Variants in CHN1 observed in about 807,000 individuals in gnomAD.
The protein encoded by CHN1 is chimerin 1.
A neutral mutation model predicts 59.5 loss-of-function variants in CHN1; 37 were observed. The observed-to-expected ratio is 0.62, with a 90% CI of 0.48 to 0.82. CHN1 has a LOEUF of 0.82. CHN1 is among the 40% of genes least tolerant of loss of function. The probability of loss-of-function intolerance (pLI) is 0.00; values close to 1 mark genes in which losing one functional copy is unlikely to be tolerated. For synonymous variants in CHN1, 206 were observed against 200.4 expected, an observed-to-expected ratio of 1.03 and a Z score of -0.24; for missense variants, 469 against 571.0, an observed-to-expected ratio of 0.82 and a Z score of 1.82.
Position 174,811,902 on chromosome 2 carries a change from G to A in CHN1, c.887-314C>T, listed in dbSNP as rs532322065. On this transcript the variant is annotated intron_variant, in intron 9 of 12. Transcript: ENST00000409900. ...AACAGAAGACTAAGATAAAATATAG[G>A]CCTGTTTTTCTCAAGTGGGAAAGAA... 1.2e-4 allele frequency among the ~76,000 whole-genome samples: 19 copies of A among 152,168 alleles called. No individual in the cohort carries two copies. In the East Asian group the frequency reaches 3.5e-3, roughly 28 times the overall value.
Position 174,911,897 on chromosome 2 carries a change from G to T in CHN1, c.260+3161C>A, listed in dbSNP as rs181401571. On this transcript the variant is annotated intron_variant, in intron 5 of 12. Coordinates refer to ENST00000409900, the MANE Select transcript of CHN1 (RefSeq NM_001822.7). Reference sequence around the variant, plus strand: ...GGCAGATCATTTATAGTACTGGGAAGGATAAGGCTGGACCCACAGACATTT... The same window carrying T: ...GGCAGATCATTTATAGTACTGGGAATGATAAGGCTGGACCCACAGACATTT... Among the ~76,000 whole-genome samples, 275 of 152,272 alleles carry T rather than the reference G, an allele frequency of 1.8e-3. 6 individuals carry two copies. The highest frequency in any genetic ancestry group is 0.018 in the Admixed American group (273 of 15,304).
chr2:174,907,356 C>A (rs886164074), intron 5 of CHN1, among the ~76,000 whole-genome samples: 1 of 152,150 alleles, frequency 6.6e-6, no homozygotes, highest in East Asian at 1.9e-4. Context: ...TTTCTCCTCT[C>A]CATGCCAGAG....
chr2:174,858,554 C>A (rs1686974533), intron 6 of CHN1, among the ~76,000 whole-genome samples: 1 of 152,106 alleles, frequency 6.6e-6, no homozygotes, highest in South Asian at 2.1e-4. Flanking sequence ...ATACTTATTG[C>A]ACGTTTTATA....
intron 4 of CHN1, 129 bp downstream of exon 4, chr2:174,918,405 T>A: frequency 1.6e-6 from 1 of 615,114 alleles, no homozygotes; most frequent in Admixed American, 4.0e-5. Flanking sequence ...ACATTTGAAA[T>A]TTTTAAGAAA....
intron 2 of CHN1, among the ~76,000 whole-genome samples, chr2:174,945,844 C>G (rs946537551): frequency 6.6e-6 from 1 of 151,950 alleles, no homozygotes; most frequent in Non-Finnish European, 1.5e-5. Context: ...CACATTCATT[C>G]ATATACATCA....
intron 12 of CHN1, among the ~76,000 whole-genome samples, chr2:174,800,827 T>A (rs1311305285): frequency 1.3e-5 from 2 of 152,240 alleles, no homozygotes; most frequent in South Asian, 4.1e-4. Context: ...ATTTGAGAGT[T>A]AGTCCTCTGT....
At chr2:174,835,085 T>A (rs372800517) in intron 7 of CHN1, among the ~76,000 whole-genome samples, 1 of 152,086 alleles carries the variant, frequency 6.6e-6, no homozygotes, top group South Asian at 2.1e-4. Context: ...GAAAATATCA[T>A]AAGTTGAGAG....
chr2:174,902,454 A>G (rs1438496854), intron 5 of CHN1, among the ~76,000 whole-genome samples: 1 of 152,136 alleles, frequency 6.6e-6, no homozygotes, highest in Non-Finnish European at 1.5e-5. Context: ...CCCCTTCATC[A>G]ATATTAATTT....
chr2:174,883,858 AGTT>A (rs1464933313), intron 5 of CHN1, among the ~76,000 whole-genome samples: 2 of 151,992 alleles, frequency 1.3e-5, no homozygotes, highest in African/African-American at 4.8e-5. Context: ...CATAAATGAA[AGTT>A]TTTTTAAAAA....
intron 6 of CHN1, 119 bp from the exon 7 acceptor site, chr2:174,847,076 T>G: frequency 6.4e-7 from 1 of 1,551,732 alleles, no homozygotes; most frequent in Non-Finnish European, 8.7e-7. Context: ...TTGTTTTGAT[T>G]TGTGAACTGC....
intron 6 of CHN1, among the ~76,000 whole-genome samples, chr2:174,848,241 G>C (rs1249387508): frequency 6.6e-6 from 1 of 152,026 alleles, no homozygotes; most frequent in East Asian, 1.9e-4. Context: ...GAGAGCTTGA[G>C]GCCAGGTCAT....
At chr2:174,968,290 G>A (rs1183539404) in intron 1 of CHN1, among the ~76,000 whole-genome samples, 1 of 152,048 alleles carries the variant, frequency 6.6e-6, no homozygotes, top group East Asian at 1.9e-4. Context: ...AAACCACTCA[G>A]TCACTAAGGA....
chr2:174,847,709 C>T (rs377667602), intron 6 of CHN1: 1 of 1,152,052 alleles, frequency 8.7e-7, no homozygotes, highest in East Asian at 5.6e-5. Flanking sequence ...TACTGTATTC[C>T]TAAACTCACT....
chr2:174,871,551 G>A (rs907587491), intron 6 of CHN1, among the ~76,000 whole-genome samples: 7 of 152,068 alleles, frequency 4.6e-5, no homozygotes, highest in South Asian at 2.1e-4. Flanking sequence ...TTGAAACTGC[G>A]GTGGAATGCC....
intron 3 of CHN1, among the ~76,000 whole-genome samples, chr2:174,944,119 T>C (rs1177141393): frequency 6.6e-6 from 1 of 152,196 alleles, no homozygotes; most frequent in Non-Finnish European, 1.5e-5. Flanking sequence ...GGACAGACAT[T>C]TAGGTTTTTT....
chr2:174,924,665 T>C (rs1450247145), intron 3 of CHN1, among the ~76,000 whole-genome samples: 2 of 151,948 alleles, frequency 1.3e-5, no homozygotes, highest in African/African-American at 4.8e-5. Context: ...CTTTTCAAAC[T>C]CAGAGACAAT....
At chr2:174,903,910 A>C (rs1272811450) in intron 5 of CHN1, among the ~76,000 whole-genome samples, 1 of 152,170 alleles carries the variant, frequency 6.6e-6, no homozygotes, top group East Asian at 1.9e-4. Flanking sequence ...ATCTGTTTAT[A>C]AAAATAGTAA....
At chr2:174,901,722 A>C (rs1688394158) in intron 5 of CHN1, among the ~76,000 whole-genome samples, 1 of 152,208 alleles carries the variant, frequency 6.6e-6, no homozygotes, top group South Asian at 2.1e-4. Context: ...ATGCCAAAAA[A>C]TAATGTTTGT....
chr2:174,887,440 A>G (rs1249750700), intron 5 of CHN1, among the ~76,000 whole-genome samples: 1 of 152,154 alleles, frequency 6.6e-6, no homozygotes. Context: ...GTTATATCCT[A>G]GGCACTATGT....
Sources: gnomAD v4.1 joint callset for allele counts (sites outside exome capture counted in the v4.1 genomes callset) on GRCh38, gnomAD v4.1.1 for gene constraint, MANE v1.5 for transcripts, NCBI Gene and HGNC (gene_info 2026-07-23, HGNC 2026-07-21) for gene names.